Variants in DNAH14 observed in about 807,000 individuals in gnomAD.
DNAH14 encodes the protein axonemal beta dynein heavy chain 14.
Under a neutral mutation model 520.9 loss-of-function variants are expected in DNAH14, and 478 were observed. That is an observed-to-expected ratio of 0.92 (90% CI 0.85 to 0.99). The LOEUF (loss-of-function observed/expected upper bound fraction) is 0.99. Ranked by LOEUF, DNAH14 falls within the 50% of genes least tolerant of loss-of-function variation. The pLI is 0.00. For missense variants in DNAH14, 4,831 were observed against 5,234.5 expected, an observed-to-expected ratio of 0.92 and a Z score of 2.38; for synonymous variants, 1,581 against 1,757.2, an observed-to-expected ratio of 0.90 and a Z score of 2.51.
Position 225,306,911 on chromosome 1 carries a change from A to C in DNAH14, c.9006-550A>C, listed in dbSNP as rs2094256515. 2.0e-5 allele frequency among the ~76,000 whole-genome samples: 3 copies of C among 152,066 alleles called. No individual in the cohort carries two copies. The East Asian group carries it at 5.8e-4, about 29-fold the overall frequency. ...TGCTACTTGGAAATTTCAGTAGTCCAGTTTCCCAGGGGTAGATATGGGGGG... is the reference window on the plus strand; with the variant it reads ...TGCTACTTGGAAATTTCAGTAGTCCCGTTTCCCAGGGGTAGATATGGGGGG... On this transcript the variant is annotated intron_variant, in intron 58 of 85. Transcript: ENST00000682510.
intron 8 of DNAH14, among the ~76,000 whole-genome samples, chr1:224,991,705 A>G (rs2063064271): frequency 6.6e-6 from 1 of 151,958 alleles, no homozygotes; most frequent in Admixed American, 6.6e-5. Context: ...TGCTCCATCC[A>G]TGTCCCTGCA....
In DNAH14 at chr1:224,972,301, T is replaced by G. The variant is rs531066780; in HGVS notation, c.768-1790T>G. 2.4e-3 allele frequency among the ~76,000 whole-genome samples: 362 copies of G among 152,202 alleles called. 3 individuals carry two copies. The highest frequency in any genetic ancestry group is 8.4e-3 in the African/African-American group (350 of 41,534). ...TACTTAATTTTTAAATTTTATGATT[T>G]ATTTATTTATTATTTTTTTTGAGAC... On this transcript the variant is annotated intron_variant, in intron 7 of 85. Coordinates refer to ENST00000682510, the MANE Select transcript of DNAH14 (RefSeq NM_001367479.1).
At chr1:225,094,570 T>C (rs2074715001) in intron 21 of DNAH14, among the ~76,000 whole-genome samples, 1 of 149,248 alleles carries the variant, frequency 6.7e-6, no homozygotes, top group Non-Finnish European at 1.5e-5. Flanking sequence ...AAGGCAAAGA[T>C]TTCATAACAA....
chr1:225,203,815 T>C (rs1387310254), intron 38 of DNAH14, among the ~76,000 whole-genome samples: 1 of 151,630 alleles, frequency 6.6e-6, no homozygotes, highest in African/African-American at 2.4e-5. Flanking sequence ...ACTTGAGAAC[T>C]GATATGAAGG....
chr1:225,005,986 A>T (rs2064138245), intron 9 of DNAH14, among the ~76,000 whole-genome samples: 1 of 152,178 alleles, frequency 6.6e-6, no homozygotes, highest in African/African-American at 2.4e-5. Context: ...GGGACCCCAA[A>T]CGGAGGGACC....
At chr1:225,178,756 G>C (rs1030348865) in intron 36 of DNAH14, among the ~76,000 whole-genome samples, 1 of 152,126 alleles carries the variant, frequency 6.6e-6, no homozygotes, top group Non-Finnish European at 1.5e-5. Context: ...TTTGAAATTT[G>C]AGGACATGAG....
rs993502065 is a variant in DNAH14, at chr1:225,175,721, T to C, written c.5535+7693T>C. ...TGGATCTTTTTTTTTTTTTTTTTTT[T>C]GAGATGGAGTATCACTCTGTCCCCC... On this transcript the variant is annotated intron_variant, in intron 36 of 85. Coordinates refer to ENST00000682510, the MANE Select transcript of DNAH14 (RefSeq NM_001367479.1). 1.3e-3 allele frequency among the ~76,000 whole-genome samples: 177 copies of C among 131,630 alleles called. 2 individuals are homozygous for C. In the East Asian group the frequency reaches 0.033, roughly 25 times the overall value. The allele number at this position is 131,630 out of a possible 152,430, so 86.4% of individuals were successfully genotyped here. A position where few individuals can be genotyped will look rare whatever the true frequency, so the allele number is the denominator to read the frequency against.
At chr1:225,295,793 T>A (rs1383365759) in intron 55 of DNAH14, among the ~76,000 whole-genome samples, 1 of 152,182 alleles carries the variant, frequency 6.6e-6, no homozygotes, top group African/African-American at 2.4e-5. Context: ...TTAAATCTGA[T>A]GTTTGCTGAT....
chr1:225,220,389 G>A (rs893913730), intron 41 of DNAH14, among the ~76,000 whole-genome samples: 1 of 152,184 alleles, frequency 6.6e-6, no homozygotes, highest in African/African-American at 2.4e-5. Flanking sequence ...CAAATGACAT[G>A]ATTGTACATT....
intron 27 of DNAH14, among the ~76,000 whole-genome samples, chr1:225,136,917 G>C (rs1183287359): frequency 6.6e-6 from 1 of 152,090 alleles, no homozygotes; most frequent in Non-Finnish European, 1.5e-5. Flanking sequence ...CAAGCTCTGA[G>C]ATTCTTTCCT....
chr1:225,379,551 AGAG>A, intron 79 of DNAH14, among the ~76,000 whole-genome samples: 1 of 151,438 alleles, frequency 6.6e-6, no homozygotes. Flanking sequence ...TTTTTGAGAT[AGAG>A]TCTCGCTCTG....
chr1:225,360,575 T>C, intron 74 of DNAH14, 106 bp from the exon 75 acceptor site: 1 of 1,087,732 alleles, frequency 9.2e-7, no homozygotes, highest in Non-Finnish European at 1.3e-6. Flanking sequence ...CTTTCCGCTA[T>C]GACTATACCT....
intron 11 of DNAH14, among the ~76,000 whole-genome samples, chr1:225,033,398 C>T (rs1455929747): frequency 6.6e-6 from 1 of 151,900 alleles, no homozygotes; most frequent in Non-Finnish European, 1.5e-5. Context: ...AGATATGGGG[C>T]CTCATTTCTG....
chr1:224,949,432 G>A (rs2128268), intron 1 of DNAH14, among the ~76,000 whole-genome samples: 43,521 of 151,914 alleles, frequency 0.29, 10,116 homozygotes, highest in African/African-American at 0.64. Context: ...GAAACTGAAG[G>A]TTTATGTCTG....
intron 41 of DNAH14, among the ~76,000 whole-genome samples, chr1:225,226,794 A>G (rs2090579586): frequency 6.6e-6 from 1 of 152,142 alleles, no homozygotes; most frequent in Non-Finnish European, 1.5e-5. Context: ...CATTATCTCT[A>G]CTATTCTGGC....
chr1:225,085,567 A>T lies in DNAH14; in HGVS notation c.3351A>T (p.Ile1117=). 6.5e-7 allele frequency: 1 copy of T among 1,547,140 alleles called. No homozygotes were observed. Residue 1117 remains isoleucine, a synonymous_variant, in exon 21 of 86, where the codon ATA becomes ATT. Transcript: ENST00000682510. ...AGATGTTTCAGTATGAAAATGAAAT[A>T]AATGATATGTCAACCTCAGCAACTA... ...ALKMFQYENE[I]NDMSTSATNE...
At chr1:225,242,906 A>G (rs544510584) in intron 43 of DNAH14, among the ~76,000 whole-genome samples, 142 of 152,314 alleles carry the variant, frequency 9.3e-4, no homozygotes, top group African/African-American at 3.4e-3. Flanking sequence ...CAGCTCCATT[A>G]TAATCTTATG....
At chr1:224,997,437 T>G in intron 8 of DNAH14, among the ~76,000 whole-genome samples, 1 of 137,984 alleles carries the variant, frequency 7.2e-6, no homozygotes, top group South Asian at 2.2e-4. Context: ...GGTTTTTTTT[T>G]GTTTGTTTGT....
chr1:225,085,750 T>G lies in DNAH14; in HGVS notation c.3534T>G (p.Leu1178=), dbSNP rs1214210882. ...SAQLEESQVI[L]ATIKGSPHIG... is the part of the protein sequence containing the mutation. The stretch of plus-strand genomic sequence containing the variant: ...AGTTAGAAGAGTCTCAAGTCATACT[T>G]GCAACAATTAAAGGATCTCCCCACA... The change falls in exon 21 of 86, where the codon CTT becomes CTG. Residue 1178 remains leucine, a synonymous_variant. Transcript: ENST00000682510. The G allele has an allele frequency of 1.3e-6, 2 of 1,551,044 alleles. No individual in the cohort carries two copies. The highest frequency in any genetic ancestry group is 1.4e-5 in the African/African-American group (1 of 73,022).
Sources: allele counts gnomAD v4.1 joint callset (sites outside exome capture counted in the v4.1 genomes callset), GRCh38; gene constraint gnomAD v4.1.1; transcripts MANE v1.5; gene names NCBI Gene and HGNC (gene_info 2026-07-23, HGNC 2026-07-21).